MYOC: variants seen among roughly 807,000 people sequenced by gnomAD.
MYOC encodes myocilin.
A neutral mutation model predicts 28.2 loss-of-function variants in MYOC; 29 were observed. The observed-to-expected ratio is 1.03, with a 90% CI of 0.77 to 1.40. The LOEUF (loss-of-function observed/expected upper bound fraction) is 1.40. MYOC is among the 40% of genes most tolerant of loss of function. The pLI is 0.00. For synonymous variants in MYOC, 240 were observed against 245.6 expected (o/e 0.98, Z 0.21); for missense variants, 569 against 620.6 (o/e 0.92, Z 0.88).
At chr1:171,647,514 C>T (rs774536542) in intron 1 of MYOC, among the ~76,000 whole-genome samples, 3 of 151,320 alleles carry the variant, frequency 2.0e-5, no homozygotes, top group Non-Finnish European at 4.4e-5. Flanking sequence ...TAGAGCGAGA[C>T]TCCATCTTCA....
intron 1 of MYOC, among the ~76,000 whole-genome samples, chr1:171,651,428 G>A (rs1653349171): frequency 6.7e-6 from 1 of 150,322 alleles, no homozygotes; most frequent in South Asian, 2.1e-4. Flanking sequence ...GCCATCTCAA[G>A]AATTTGTCTG....
chr1:171,639,525 G>A (rs1255957312), intron 1 of MYOC, among the ~76,000 whole-genome samples: 1 of 151,796 alleles, frequency 6.6e-6, no homozygotes, highest in Admixed American at 6.6e-5. Context: ...AGCATCTGCA[G>A]TCCTAGGTAC....
At chr1:171,648,204 A>G (rs75866173) in intron 1 of MYOC, among the ~76,000 whole-genome samples, 1 of 140,608 alleles carries the variant, frequency 7.1e-6, no homozygotes, top group African/African-American at 2.7e-5. Context: ...AAAAAAAAAA[A>G]TCAGTCTGCA....
At chr1:171,641,693 A>C (rs1392881542) in intron 1 of MYOC, among the ~76,000 whole-genome samples, 1 of 152,180 alleles carries the variant, frequency 6.6e-6, no homozygotes, top group Non-Finnish European at 1.5e-5. Flanking sequence ...TGCTTAATAC[A>C]CTGGGCTTTT....
At chr1:171,645,328 C>A (rs1459216659) in intron 1 of MYOC, among the ~76,000 whole-genome samples, 1 of 152,166 alleles carries the variant, frequency 6.6e-6, no homozygotes, top group African/African-American at 2.4e-5. Flanking sequence ...CTGGAGGCCT[C>A]CTGCCTGTGC....
chr1:171,636,328 T>C lies in MYOC; in HGVS notation c.1112A>G (p.Tyr371Cys). Residue 371 changes from tyrosine to cysteine, a missense_variant, in exon 3 of 3, where the codon TAT becomes TGT. Transcript: ENST00000037502. ...AATGTCCGTGTAGCCACCCCAAGAA[T>C]ACGGGAACTGTCCGTGGTAGCCAGC... The part of the protein sequence containing the change: ...PGAGYHGQFP[Y>C]SWGGYTDIDL... 1 of 1,614,044 alleles carries C rather than the reference T, an allele frequency of 6.2e-7. No individual in the cohort carries two copies. Among genetic ancestry groups the C allele is most frequent in the Non-Finnish European group, 8.5e-7 (1 of 1,180,022 alleles).
chr1:171,646,352 C>T (rs1436359872), intron 1 of MYOC, among the ~76,000 whole-genome samples: 6 of 152,128 alleles, frequency 3.9e-5, no homozygotes, highest in Admixed American at 2.0e-4. Flanking sequence ...TGTGTCAACA[C>T]TAAAATTTCT....
At chr1:171,637,663 A>T (rs1390818859) in intron 2 of MYOC, among the ~76,000 whole-genome samples, 4 of 151,070 alleles carry the variant, frequency 2.6e-5, no homozygotes, top group African/African-American at 9.8e-5. Flanking sequence ...CCCAGGCTGG[A>T]GGGCAGTGGT....
At position 171,644,989 on chromosome 1, in the gene MYOC, A is replaced by C. The variant is rs919876068; in HGVS notation, c.605-6267T>G. ...CGAACTCTTCCATCCTGTGCTGAGG[A>C]GGTGTGTCAGTTATAAACGCATTGC... On this transcript the variant is annotated intron_variant, in intron 1 of 2. Transcript: ENST00000037502. Among the ~76,000 whole-genome samples the C allele has an allele frequency of 1.1e-4, 16 of 152,188 alleles. No homozygotes were observed. The East Asian group carries it at 3.1e-3, about 29-fold the overall frequency.
At chr1:171,648,993 AT>A (rs536572275) in intron 1 of MYOC, among the ~76,000 whole-genome samples, 42 of 150,918 alleles carry the variant, frequency 2.8e-4, no homozygotes, top group African/African-American at 9.2e-4. Context: ...GGCTAATTGT[AT>A]TTTTTTTCTA....
rs769863509 is a variant in MYOC at position 171,636,052 on chromosome 1, A to AG, written c.1387dup (p.Leu463ProfsTer10). 1 of 1,614,212 alleles carries AG rather than the reference A, an allele frequency of 6.2e-7. No individual in the cohort carries two copies. The highest frequency in any genetic ancestry group is 8.5e-7 in the Non-Finnish European group (1 of 1,180,030). On this transcript the variant is annotated frameshift_variant, in exon 3 of 3. Coordinates refer to ENST00000037502, the MANE Select transcript of MYOC (RefSeq NM_000261.2). LOFTEE classifies it high-confidence loss of function. Reference sequence around the variant, plus strand: ...ATAGCGGTTCTTGAATGGGATGGTCAGGGTCTTGCTGATACCTGTGCCTGT... The same window carrying AG: ...ATAGCGGTTCTTGAATGGGATGGTCAGGGGTCTTGCTGATACCTGTGCCTGT...
rs1653378923 is a variant in MYOC at position 171,652,445 on chromosome 1, G to T, written c.167C>A (p.Pro56His). The change falls in exon 1 of 3, where the codon CCC becomes CAC. Residue 56 changes from proline to histidine, a missense_variant. Physicochemically the swap from Pro to His is moderately conservative, Grantham distance 77. Coordinates refer to ENST00000037502, the MANE Select transcript of MYOC (RefSeq NM_000261.2). ...RCQYTFSVAS[P>H]NESSCPEQSQ... ...CTGCTCTGGGCAGCTGGATTCATTG[G>T]GACTGGCCACACTGAAGGTATACTG... 6.2e-7 allele frequency: 1 copy of T among 1,614,170 alleles called. No individual in the cohort carries two copies. The highest frequency in any genetic ancestry group is 8.5e-7 in the Non-Finnish European group (1 of 1,180,030).
chr1:171,650,741 C>T (rs1444768513), intron 1 of MYOC, among the ~76,000 whole-genome samples: 1 of 152,132 alleles, frequency 6.6e-6, no homozygotes, highest in Non-Finnish European at 1.5e-5. Context: ...GTACAATAAG[C>T]TCCCCATATA....
rs530807298 is a variant in MYOC, at chr1:171,651,987, C to T, written c.604+21G>A. The T allele has an allele frequency of 1.5e-4, 241 of 1,613,978 alleles. 1 individual carries two copies. In the South Asian group the frequency reaches 2.4e-3, roughly 16 times the overall value. On this transcript the variant is annotated intron_variant, in intron 1 of 2. Coordinates refer to ENST00000037502, the MANE Select transcript of MYOC (RefSeq NM_000261.2). ...CCATATCACCTGCTGAACTCAGAGT[C>T]CCCCCACTCTGCATTCTTACCTTCT...
At chr1:171,641,002 C>A (rs1404571827) in intron 1 of MYOC, among the ~76,000 whole-genome samples, 1 of 152,042 alleles carries the variant, frequency 6.6e-6, no homozygotes, top group Non-Finnish European at 1.5e-5. Context: ...TTTGTCTAAA[C>A]CCATAGAAGG....
At chr1:171,644,303 G>A (rs986716457) in intron 1 of MYOC, among the ~76,000 whole-genome samples, 15 of 151,470 alleles carry the variant, frequency 9.9e-5, no homozygotes, top group African/African-American at 2.4e-4. Context: ...AAATTCAGGC[G>A]AGCCATCCCT....
chr1:171,648,552 ATAAC>A (rs1312162012), intron 1 of MYOC, among the ~76,000 whole-genome samples: 3 of 152,098 alleles, frequency 2.0e-5, no homozygotes, highest in African/African-American at 7.2e-5. Flanking sequence ...CAGGGGCTAA[ATAAC>A]AAACAAAGCA....
At chr1:171,651,582 A>G (rs1417360730) in intron 1 of MYOC, among the ~76,000 whole-genome samples, 1 of 152,220 alleles carries the variant, frequency 6.6e-6, no homozygotes, top group East Asian at 1.9e-4. Flanking sequence ...ACCACTTATT[A>G]TCATTTCCCA....
chr1:171,649,661 G>A (rs1653308547), intron 1 of MYOC, among the ~76,000 whole-genome samples: 1 of 152,184 alleles, frequency 6.6e-6, no homozygotes, highest in African/African-American at 2.4e-5. Context: ...CGGGCATGGT[G>A]GCACATGCCT....
Sources: allele counts gnomAD v4.1 joint callset (sites outside exome capture counted in the v4.1 genomes callset), GRCh38; gene constraint gnomAD v4.1.1; transcripts MANE v1.5; gene names NCBI Gene and HGNC (gene_info 2026-07-23, HGNC 2026-07-21).